Variants in SHISA8 observed in about 807,000 individuals in gnomAD.
SHISA8 encodes the protein shisa family member 8, also known as protein shisa-8.
A neutral mutation model predicts 21.1 loss-of-function variants in SHISA8; 21 were observed. The ratio of observed to expected loss-of-function variants is 0.99; its 90% CI spans 0.71 to 1.43. The LOEUF is 1.43. SHISA8 is among the 40% of genes most tolerant of loss of function. The probability of loss-of-function intolerance (pLI) is 0.00; values close to 1 mark genes in which losing one functional copy is unlikely to be tolerated. For missense variants in SHISA8, 535 were observed against 599.1 expected (o/e 0.89, Z 1.12); for synonymous variants, 300 against 291.4 (o/e 1.03, Z -0.30).
intron 2 of SHISA8, 38 bp downstream of exon 2, chr22:41,911,178 G>C: frequency 7.9e-7 from 1 of 1,258,028 alleles, no homozygotes. Flanking sequence ...CCCTCCGCGT[G>C]CTCCGCCGCC....
At position 41,915,009 on chromosome 22, in the gene SHISA8, C is replaced by T. The variant is rs1231304208; in HGVS notation, c.-342G>A. 6.6e-6 allele frequency among the ~76,000 whole-genome samples: 1 copy of T among 151,700 alleles called. No homozygotes were observed. The highest frequency in any genetic ancestry group is 1.5e-5 in the Non-Finnish European group (1 of 67,866). On this transcript the variant is annotated 5_prime_UTR_variant, in exon 1 of 4. Coordinates refer to ENST00000621082, the MANE Select transcript of SHISA8 (RefSeq NM_001207020.3). The surrounding 1 kb of genome is among the most constrained non-coding windows in gnomAD (Gnocchi z 5.0). ...CGGGTCTTGGCCCTAGCGGAGGCCGCGCCGGGGCCGCGGGCCGCCCGACTG... is the reference window on the plus strand; with the variant it reads ...CGGGTCTTGGCCCTAGCGGAGGCCGTGCCGGGGCCGCGGGCCGCCCGACTG...
In SHISA8 at chr22:41,910,424, G is replaced by A; in HGVS notation, c.795C>T (p.Ala265=). 7.4e-7 allele frequency: 1 copy of A among 1,358,568 alleles called. No individual in the cohort carries two copies. The allele number at this position is 1,358,568 out of a possible 1,614,324, so 84.2% of individuals were successfully genotyped here. A position where few individuals can be genotyped will look rare whatever the true frequency, so the allele number is the denominator to read the frequency against. The change falls in exon 3 of 4, where the codon GCC becomes GCT. Residue 265 remains alanine (A), a synonymous_variant. Transcript: ENST00000621082. The surrounding 1 kb of genome is among the most constrained non-coding windows in gnomAD (Gnocchi z 6.8). ...DYAKYATFKA[A]ALKAAEAAPR... is the part of the protein sequence containing the mutation. Reference sequence around the variant, plus strand: ...GCCACTCACCTGCGGCCTTGAGCGCGGCGGCCTTGAACGTGGCGTACTTGG... The same window carrying A: ...GCCACTCACCTGCGGCCTTGAGCGCAGCGGCCTTGAACGTGGCGTACTTGG...
chr22:41,910,342 C>T lies in SHISA8; in HGVS notation c.811+66G>A, dbSNP rs1418593289. 9.5e-6 allele frequency: 12 copies of T among 1,260,566 alleles called. No individual in the cohort carries two copies. Among genetic ancestry groups the T allele is most frequent in the Non-Finnish European group, 1.2e-5 (12 of 1,002,380 alleles). The allele number at this position is 1,260,566 out of a possible 1,614,324, so 78.1% of individuals were successfully genotyped here. A position where few individuals can be genotyped will look rare whatever the true frequency, so the allele number is the denominator to read the frequency against. On this transcript the variant is annotated intron_variant, in intron 3 of 3. Transcript: ENST00000621082. The surrounding 1 kb of genome is among the most constrained non-coding windows in gnomAD (Gnocchi z 6.8). ...GAATTTGGCGCTTGGAGCTGCGGCC[C>T]CGCGCTTCGCAGTCCGGGAGCTCGT...
Position 41,911,201 on chromosome 22 carries a change from C to T in SHISA8, c.664+15G>A. 3 of 1,271,188 alleles carry T rather than the reference C, an allele frequency of 2.4e-6. No individual in the cohort carries two copies. The highest frequency in any genetic ancestry group is 3.0e-6 in the Non-Finnish European group (3 of 1,010,812). The allele number at this position is 1,271,188 out of a possible 1,614,324, so 78.7% of individuals were successfully genotyped here. On this transcript the variant is annotated intron_variant, in intron 2 of 3. Transcript: ENST00000621082. ...GTGCTCCGCCGCCGCTCAGCCCCGC[C>T]CGCCACCGACTCACCTGCGCTGTTG...
At chr22:41,913,992 G>A (rs557336927) in intron 1 of SHISA8, 146 bp downstream of exon 1, 1 of 827,574 alleles carries the variant, frequency 1.2e-6, no homozygotes, top group Non-Finnish European at 1.7e-6. Context: ...GAAGTGTTGG[G>A]GGGGCGGCGG....
chr22:41,911,404 G>T, intron 1 of SHISA8, 55 bp from the exon 2 acceptor site: 1 of 1,234,654 alleles, frequency 8.1e-7, no homozygotes, highest in Non-Finnish European at 1.0e-6. Flanking sequence ...TCAAAAGCCA[G>T]CCCCGGCCAC....
At position 41,909,777 on chromosome 22, in the gene SHISA8, C is replaced by A; in HGVS notation, c.1182G>T (p.Glu394Asp). The A allele has an allele frequency of 1.4e-6, 2 of 1,475,110 alleles. No homozygotes were observed. The highest frequency in any genetic ancestry group is 1.4e-5 in the African/African-American group (1 of 69,194). 91.4% of individuals were successfully genotyped at this position (1,475,110 alleles called of 1,614,324 possible). Reference sequence around the variant, plus strand: ...CCGCGGCCCCGCTTCACACGGTGACCTCGGTCTTGCTATTGGTCCTTAGGT... The same window carrying A: ...CCGCGGCCCCGCTTCACACGGTGACATCGGTCTTGCTATTGGTCCTTAGGT... ...SRYLRTNSKT[E>D]VTV Residue 394 changes from glutamate to aspartate, a missense_variant, in exon 4 of 4, where the codon GAG (glutamate) becomes GAT (aspartate). Coordinates refer to ENST00000621082, the MANE Select transcript of SHISA8 (RefSeq NM_001207020.3).
At chr22:41,913,394 C>T (rs936729488) in intron 1 of SHISA8, among the ~76,000 whole-genome samples, 24 of 152,326 alleles carry the variant, frequency 1.6e-4, no homozygotes, top group African/African-American at 5.8e-4. Flanking sequence ...GTGAGTGCCA[C>T]GTGTGGCATG....
chr22:41,913,895 G>A (rs1331881510), intron 1 of SHISA8, among the ~76,000 whole-genome samples: 1 of 151,922 alleles, frequency 6.6e-6, no homozygotes, highest in Admixed American at 6.5e-5. Context: ...GCCCTCCAGA[G>A]GAGACTCGAG....
rs2077571052 is a variant in SHISA8 at position 41,914,308 on chromosome 22, C to T, written c.360G>A (p.Pro120=). The T allele has an allele frequency of 8.0e-7, 1 of 1,251,180 alleles. No homozygotes were observed. Among genetic ancestry groups the T allele is most frequent in the Non-Finnish European group, 1.0e-6 (1 of 1,001,020 alleles). 77.5% of individuals were successfully genotyped at this position (1,251,180 alleles called of 1,614,324 possible). ...CTGCGGTGTCGCGGGCGCGGGCGGGCGGCCGGCCTGTCTGGACCCAGGCCG... is the reference window on the plus strand; with the variant it reads ...CTGCGGTGTCGCGGGCGCGGGCGGGTGGCCGGCCTGTCTGGACCCAGGCCG... ...DTPAWVQTGR[P]PARARDTAAP... The change falls in exon 1 of 4, where the codon CCG becomes CCA. Residue 120 remains proline, a synonymous_variant. Transcript: ENST00000621082. The surrounding 1 kb of genome is among the most constrained non-coding windows in gnomAD (Gnocchi z 6.8).
Position 41,914,335 on chromosome 22 carries a change from C to T in SHISA8, c.333G>A (p.Thr111=). 1.1e-5 allele frequency: 14 copies of T among 1,250,190 alleles called. No homozygotes were observed. Among genetic ancestry groups the T allele is most frequent in the Non-Finnish European group, 1.4e-5 (14 of 998,214 alleles). The allele number at this position is 1,250,190 out of a possible 1,614,324, so 77.4% of individuals were successfully genotyped here. A position where few individuals can be genotyped will look rare whatever the true frequency, so the allele number is the denominator to read the frequency against. The change falls in exon 1 of 4, where the codon ACG becomes ACA. Residue 111 remains threonine, a synonymous_variant. Transcript: ENST00000621082. This position sits in a 1 kb window ranked among gnomAD's most constrained non-coding sequence, Gnocchi z 6.8. ...GCCGGCCTGTCTGGACCCAGGCCGG[C>T]GTGTCGTAGTTGGAACAGCGGCTCT... is the stretch of plus-strand genomic sequence containing the variant. ...LDQSRCSNYD[T]PAWVQTGRPP...
At position 41,914,297 on chromosome 22, in the gene SHISA8, G is replaced by A; in HGVS notation, c.371C>T (p.Ala124Val). Residue 124 changes from alanine (A) to valine (V), a missense_variant, in exon 1 of 4, where the codon GCC (alanine) becomes GTC (valine). Physicochemically the swap from Ala to Val is moderately conservative, Grantham distance 64. Coordinates refer to ENST00000621082, the MANE Select transcript of SHISA8 (RefSeq NM_001207020.3). The surrounding 1 kb of genome is among the most constrained non-coding windows in gnomAD (Gnocchi z 6.8). ...GTCCCGGGGCGCTGCGGTGTCGCGG[G>A]CGCGGGCGGGCGGCCGGCCTGTCTG... ...WVQTGRPPAR[A>V]RDTAAPRDPG... 8.0e-7 allele frequency: 1 copy of A among 1,251,858 alleles called. No individual in the cohort carries two copies. The highest frequency in any genetic ancestry group is 1.6e-5 in the African/African-American group (1 of 64,112). The allele number at this position is 1,251,858 out of a possible 1,614,324, so 77.5% of individuals were successfully genotyped here.
rs1050530290 is a variant in SHISA8 at position 41,910,038 on chromosome 22, G to A, written c.921C>T (p.Asp307=). ...RPSPDLPAPL[D]ACPWAPPVYA... is the part of the protein sequence containing the mutation. The stretch of plus-strand genomic sequence containing the variant: ...AGACCGGCGGGGCCCAGGGGCAGGC[G>A]TCCAGCGGCGCAGGCAAGTCCGGGG... Residue 307 remains aspartate (D), a synonymous_variant, in exon 4 of 4, where the codon GAC becomes GAT. Transcript: ENST00000621082. The surrounding 1 kb of genome is among the most constrained non-coding windows in gnomAD (Gnocchi z 6.8). The A allele has an allele frequency of 1.6e-6, 2 of 1,260,834 alleles. No individual in the cohort carries two copies. Among genetic ancestry groups the A allele is most frequent in the East Asian group, 3.2e-5 (1 of 31,336 alleles). 78.1% of individuals were successfully genotyped at this position (1,260,834 alleles called of 1,614,324 possible).
intron 1 of SHISA8, among the ~76,000 whole-genome samples, chr22:41,913,110 G>A (rs1422951737): frequency 1.3e-5 from 2 of 152,236 alleles, no homozygotes; most frequent in African/African-American, 2.4e-5. Context: ...GTGCCAGCCC[G>A]GGCTTCCCTT....
chr22:41,912,549 G>A (rs955555685), intron 1 of SHISA8, among the ~76,000 whole-genome samples: 18 of 152,058 alleles, frequency 1.2e-4, no homozygotes, highest in African/African-American at 4.1e-4. Context: ...TAACCACCAC[G>A]CCTCTGGGCC....
At chr22:41,911,424 A>C in intron 1 of SHISA8, 75 bp from the exon 2 acceptor site, 1 of 1,230,300 alleles carries the variant, frequency 8.1e-7, no homozygotes, top group African/African-American at 1.6e-5. Context: ...CCACCGTCTC[A>C]CCGTGTGGCC....
Position 41,911,259 on chromosome 22 carries a change from C to T in SHISA8, c.621G>A (p.Gln207=). 2 of 1,284,306 alleles carry T rather than the reference C, an allele frequency of 1.6e-6. No individual in the cohort carries two copies. Among genetic ancestry groups the T allele is most frequent in the African/African-American group, 1.5e-5 (1 of 65,074 alleles). 79.6% of individuals were successfully genotyped at this position (1,284,306 alleles called of 1,614,324 possible). A position where few individuals can be genotyped will look rare whatever the true frequency, so the allele number is the denominator to read the frequency against. The part of the protein sequence containing the change: ...GPPLGGCVQV[Q]MGDGLPRGSP... The stretch of plus-strand genomic sequence containing the variant: ...AGCCCCGGGGGAGGCCGTCCCCCAT[C>T]TGCACCTGGACACAGCCACCCAGGG... The change falls in exon 2 of 4, where the codon CAG becomes CAA. Residue 207 remains glutamine, a synonymous_variant. Coordinates refer to ENST00000621082, the MANE Select transcript of SHISA8 (RefSeq NM_001207020.3).
Position 41,909,579 on chromosome 22 carries a change from G to T in SHISA8, c.*186C>A. 1.4e-6 allele frequency: 1 copy of T among 710,556 alleles called. No individual in the cohort carries two copies. Among genetic ancestry groups the T allele is most frequent in the Non-Finnish European group, 2.0e-6 (1 of 501,018 alleles). 44.0% of individuals were successfully genotyped at this position (710,556 alleles called of 1,614,324 possible). On this transcript the variant is annotated 3_prime_UTR_variant, in exon 4 of 4. Transcript: ENST00000621082. The stretch of plus-strand genomic sequence containing the variant: ...CACGCTGGGGCTTCTTTATTCTCAG[G>T]GGCAGGAACCACATAAAAGGGCTTA...
chr22:41,914,269 G>T lies in SHISA8; in HGVS notation c.399C>A (p.Pro133=). 1 of 1,281,860 alleles carries T rather than the reference G, an allele frequency of 7.8e-7. No homozygotes were observed. Among genetic ancestry groups the T allele is most frequent in the Non-Finnish European group, 9.8e-7 (1 of 1,019,426 alleles). The allele number at this position is 1,281,860 out of a possible 1,614,324, so 79.4% of individuals were successfully genotyped here. ...RARDTAAPRD[P]GRERSHTAVY... is the part of the protein sequence containing the mutation. ...CGGCCGTATGGCTGCGCTCGCGGCC[G>T]GGGTCCCGGGGCGCTGCGGTGTCGC... Residue 133 remains proline (P), a synonymous_variant, in exon 1 of 4, where the codon CCC becomes CCA. Transcript: ENST00000621082. The surrounding 1 kb of genome is among the most constrained non-coding windows in gnomAD (Gnocchi z 6.8).
Sources: gnomAD v4.1 joint callset for allele counts (sites outside exome capture counted in the v4.1 genomes callset) on GRCh38, gnomAD v4.1.1 for gene constraint, Gnocchi (gnomAD v3.1) non-coding constraint, MANE v1.5 for transcripts, NCBI Gene and HGNC (gene_info 2026-07-23, HGNC 2026-07-21) for gene names.